Variants in PDE4B observed in about 807,000 individuals in gnomAD.
PDE4B encodes phosphodiesterase 4B, also known as 3',5'-cyclic-AMP phosphodiesterase 4B.
A neutral mutation model predicts 82.2 loss-of-function variants in PDE4B; 20 were observed. The ratio of observed to expected loss-of-function variants is 0.24; its 90% CI spans 0.17 to 0.35. The LOEUF (loss-of-function observed/expected upper bound fraction) is 0.35. Ranked by LOEUF, PDE4B falls within the 10% of genes least tolerant of loss-of-function variation. The probability of loss-of-function intolerance (pLI) is 1.00; values close to 1 mark genes in which losing one functional copy is unlikely to be tolerated. For missense variants in PDE4B, 655 were observed against 907.2 expected (o/e 0.72, Z 3.57); for synonymous variants, 320 against 318.9 (o/e 1.00, Z -0.04).
At chr1:66,234,889 G>T (rs988683411) in intron 3 of PDE4B, among the ~76,000 whole-genome samples, 1 of 151,874 alleles carries the variant, frequency 6.6e-6, no homozygotes, top group Admixed American at 6.6e-5. Flanking sequence ...TTTAATAAAG[G>T]TATTTTAGAG....
intron 3 of PDE4B, among the ~76,000 whole-genome samples, chr1:66,068,307 G>A (rs1247353249): frequency 1.3e-5 from 2 of 151,998 alleles, no homozygotes; most frequent in East Asian, 3.9e-4. Flanking sequence ...ATTTTGCAAA[G>A]CAGGCGTTGA....
At chr1:66,028,951 A>G (rs1321780835) in intron 3 of PDE4B, among the ~76,000 whole-genome samples, 2 of 152,028 alleles carry the variant, frequency 1.3e-5, no homozygotes, top group Non-Finnish European at 2.9e-5. Flanking sequence ...AACTGTTCCA[A>G]CCTCTGCCTG....
intron 3 of PDE4B, among the ~76,000 whole-genome samples, chr1:66,185,667 G>A (rs36183827): frequency 1.3e-5 from 2 of 151,984 alleles, no homozygotes; most frequent in South Asian, 2.1e-4. Context: ...TATCTTCTTC[G>A]CCCACTGGTT....
intron 1 of PDE4B, among the ~76,000 whole-genome samples, chr1:65,836,784 A>T (rs1646144916): frequency 6.6e-6 from 1 of 152,204 alleles, no homozygotes; most frequent in African/African-American, 2.4e-5. Flanking sequence ...TTAGAGAAGG[A>T]TGCCTACAGC....
At chr1:66,257,568 A>C in intron 4 of PDE4B, 79 bp from the exon 5 acceptor site, 2 of 1,287,610 alleles carry the variant, frequency 1.6e-6, no homozygotes, top group Non-Finnish European at 2.3e-6. Flanking sequence ...AACACTGATA[A>C]AATTTAATAT....
intron 1 of PDE4B, among the ~76,000 whole-genome samples, chr1:65,857,064 G>A (rs1646401815): frequency 6.6e-6 from 1 of 152,056 alleles, no homozygotes; most frequent in Admixed American, 6.6e-5. Context: ...CATCATGCTG[G>A]TGCCTGTTCT....
At chr1:65,915,505 A>G (rs1162679978) in intron 2 of PDE4B, among the ~76,000 whole-genome samples, 1 of 152,206 alleles carries the variant, frequency 6.6e-6, no homozygotes, top group African/African-American at 2.4e-5. Flanking sequence ...TATGAGTTTA[A>G]CCAAAAGAAT....
chr1:66,131,592 G>GAT (rs71058452), intron 3 of PDE4B, among the ~76,000 whole-genome samples: 2,748 of 32,500 alleles, frequency 0.085, 458 homozygotes, highest in Non-Finnish European at 0.14. Flanking sequence ...CTGAATGCCA[G>GAT]ATATATATAT....
intron 3 of PDE4B, among the ~76,000 whole-genome samples, chr1:66,034,596 C>A (rs1653967804): frequency 6.6e-6 from 1 of 152,160 alleles, no homozygotes; most frequent in South Asian, 2.1e-4. Context: ...AGAAGGCATA[C>A]AGACATTGAA....
At position 65,948,244 on chromosome 1, in the gene PDE4B, T is replaced by C. The variant is rs1200251825; in HGVS notation, c.281+29409T>C. On this transcript the variant is annotated intron_variant, in intron 3 of 16. Transcript: ENST00000341517. ...ACATGGTTTGGACTCCGGTTGCTAG[T>C]TGACTTCCATATACCTCTACTCTTA... is the stretch of plus-strand genomic sequence containing the variant. 2.0e-5 allele frequency among the ~76,000 whole-genome samples: 3 copies of C among 151,900 alleles called. No homozygotes were observed. The East Asian group carries it at 5.8e-4, about 29-fold the overall frequency.
chr1:66,008,053 G>A (rs551352666), intron 3 of PDE4B, among the ~76,000 whole-genome samples: 98 of 152,236 alleles, frequency 6.4e-4, no homozygotes, highest in African/African-American at 2.3e-3. Flanking sequence ...AGGGTTACTG[G>A]ATTCACATGT....
chr1:66,315,057 C>A (rs1235271171), intron 7 of PDE4B, among the ~76,000 whole-genome samples: 2 of 152,212 alleles, frequency 1.3e-5, no homozygotes, highest in African/African-American at 4.8e-5. Flanking sequence ...ACTGTTAAGT[C>A]CAGGCTCCCA....
At chr1:65,825,883 T>G (rs749145084) in intron 1 of PDE4B, among the ~76,000 whole-genome samples, 2 of 152,142 alleles carry the variant, frequency 1.3e-5, no homozygotes, top group Non-Finnish European at 2.9e-5. Flanking sequence ...CTTCCTTATA[T>G]GCTACATCCT....
At chr1:66,184,818 T>C (rs1647147104) in intron 3 of PDE4B, among the ~76,000 whole-genome samples, 1 of 151,344 alleles carries the variant, frequency 6.6e-6, no homozygotes, top group Non-Finnish European at 1.5e-5. Flanking sequence ...TTTTTAACTC[T>C]TTAACTTTAT....
intron 1 of PDE4B, among the ~76,000 whole-genome samples, chr1:65,905,424 G>C (rs1470093236): frequency 1.3e-5 from 2 of 152,072 alleles, no homozygotes; most frequent in Non-Finnish European, 2.9e-5. Flanking sequence ...AGAGTGATGT[G>C]GCATAAGCAT....
chr1:66,137,561 A>G (rs890450948), intron 3 of PDE4B, among the ~76,000 whole-genome samples: 1 of 152,210 alleles, frequency 6.6e-6, no homozygotes, highest in African/African-American at 2.4e-5. Flanking sequence ...TATACCTAAC[A>G]TACAGATCTG....
intron 7 of PDE4B, among the ~76,000 whole-genome samples, chr1:66,331,261 T>C (rs1436584474): frequency 6.6e-6 from 1 of 152,202 alleles, no homozygotes; most frequent in Non-Finnish European, 1.5e-5. Flanking sequence ...CATGTGAGAT[T>C]TTACATTTTA....
chr1:66,200,008 G>C (rs937458458), intron 3 of PDE4B, among the ~76,000 whole-genome samples: 2 of 152,114 alleles, frequency 1.3e-5, no homozygotes, highest in East Asian at 3.8e-4. Flanking sequence ...AATCCATCTT[G>C]AATTAATTTT....
At chr1:65,949,810 G>A (rs1332566277) in intron 3 of PDE4B, among the ~76,000 whole-genome samples, 1 of 151,888 alleles carries the variant, frequency 6.6e-6, no homozygotes, top group East Asian at 1.9e-4. Context: ...CTTCCAATAA[G>A]AGATAATTGG....
Sources: gnomAD v4.1 joint callset for allele counts (sites outside exome capture counted in the v4.1 genomes callset) on GRCh38, gnomAD v4.1.1 for gene constraint, MANE v1.5 for transcripts, NCBI Gene and HGNC (gene_info 2026-07-23, HGNC 2026-07-21) for gene names.